RARB: variants seen among roughly 807,000 people sequenced by gnomAD.
The protein encoded by RARB is retinoic acid receptor beta, also known as HBV-activated protein.
RARB carries 17 observed loss-of-function variants against 51.9 expected under a neutral mutation model. The observed-to-expected ratio is 0.33, with a 90% confidence interval of 0.22 to 0.49. The LOEUF is 0.49. RARB is among the 20% of genes least tolerant of loss of function. The probability of loss-of-function intolerance (pLI) is 0.99; values close to 1 mark genes in which losing one functional copy is unlikely to be tolerated. For synonymous variants in RARB, 215 were observed against 195.4 expected (o/e 1.10, Z -0.84); for missense variants, 369 against 550.8 (o/e 0.67, Z 3.30).
chr3:24,918,370 A>G (rs1015041293), intron 2 of RARB, among the ~76,000 whole-genome samples: 2 of 152,230 alleles, frequency 1.3e-5, no homozygotes, highest in African/African-American at 2.4e-5. Flanking sequence ...GCAGATCTAT[A>G]GAGGCAAAGT....
chr3:24,887,633 A>G (rs960616805), intron 2 of RARB, among the ~76,000 whole-genome samples: 2 of 152,226 alleles, frequency 1.3e-5, no homozygotes, highest in Non-Finnish European at 2.9e-5. Context: ...TTCTAGAATA[A>G]TCTAACAACT....
chr3:24,901,153 C>G (rs1703597315), intron 2 of RARB, among the ~76,000 whole-genome samples: 1 of 152,160 alleles, frequency 6.6e-6, no homozygotes, highest in South Asian at 2.1e-4. Flanking sequence ...AAAGAAAGAA[C>G]AGTGTCTAAA....
rs1479566965 is a variant in RARB at position 25,171,584 on chromosome 3, A to G, written c.-279-2535A>G. ...CAATCTGCAGCGTTTGAAAGCAAAG[A>G]GAAATGAAGGATTATTGAGGGTGGA... On this transcript the variant is annotated intron_variant, in intron 4 of 11. Transcript: ENST00000383772. 3.0e-5 allele frequency among the ~76,000 whole-genome samples: 4 copies of G among 132,682 alleles called. No individual in the cohort carries two copies. The East Asian group carries it at 1.0e-3, about 34-fold the overall frequency. 87.0% of individuals were successfully genotyped at this position (132,682 alleles called of 152,430 possible).
chr3:25,057,839 A>C (rs1698469753), intron 2 of RARB, among the ~76,000 whole-genome samples: 1 of 152,016 alleles, frequency 6.6e-6, no homozygotes, highest in South Asian at 2.1e-4. Flanking sequence ...TGTATTCAGA[A>C]CTTGACCAAT....
chr3:25,041,497 G>A (rs76020899), intron 2 of RARB, among the ~76,000 whole-genome samples: 2,114 of 150,578 alleles, frequency 0.014, 43 homozygotes, highest in African/African-American at 0.049. Flanking sequence ...GGAGGTGGAG[G>A]AAGACATTAG....
intron 2 of RARB, among the ~76,000 whole-genome samples, chr3:24,895,815 A>G (rs1219800363): frequency 6.6e-6 from 1 of 152,178 alleles, no homozygotes; most frequent in Non-Finnish European, 1.5e-5. Context: ...AGGGCAGTTC[A>G]TCAAAAAATG....
At chr3:24,926,510 C>T (rs1695324893) in intron 2 of RARB, among the ~76,000 whole-genome samples, 1 of 152,082 alleles carries the variant, frequency 6.6e-6, no homozygotes, top group South Asian at 2.1e-4. Context: ...GCTAAAATAT[C>T]ACCTGAAACC....
chr3:25,179,034 C>A (rs750615689), intron 5 of RARB, among the ~76,000 whole-genome samples: 8 of 152,126 alleles, frequency 5.3e-5, no homozygotes, highest in African/African-American at 1.9e-4. Flanking sequence ...AATGCGAATT[C>A]TTTTCCCCTT....
chr3:25,370,695 C>A (rs1346753656), intron 5 of RARB, among the ~76,000 whole-genome samples: 1 of 152,144 alleles, frequency 6.6e-6, no homozygotes, highest in Admixed American at 6.6e-5. Context: ...ATGCCAGGAG[C>A]CTTGAGTGAC....
intron 2 of RARB, among the ~76,000 whole-genome samples, chr3:24,967,258 G>C (rs763239885): frequency 6.6e-6 from 1 of 152,028 alleles, no homozygotes; most frequent in Non-Finnish European, 1.5e-5. Flanking sequence ...TCTTCCCTCA[G>C]CTAGATTTAT....
intron 3 of RARB, among the ~76,000 whole-genome samples, chr3:25,546,409 C>T (rs1322753774): frequency 6.6e-6 from 1 of 152,066 alleles, no homozygotes; most frequent in African/African-American, 2.4e-5. Context: ...GAAGCTAACC[C>T]GATGAGAGGT....
intron 5 of RARB, among the ~76,000 whole-genome samples, chr3:25,228,763 A>G (rs903102251): frequency 1.3e-5 from 2 of 152,078 alleles, no homozygotes; most frequent in African/African-American, 4.8e-5. Context: ...TAATAAAAGC[A>G]CACATGCAGG....
chr3:25,280,791 C>A (rs1228079909), intron 5 of RARB, among the ~76,000 whole-genome samples: 1 of 152,098 alleles, frequency 6.6e-6, no homozygotes, highest in Non-Finnish European at 1.5e-5. Flanking sequence ...CTTGATTTGC[C>A]ATTTTTTGCT....
chr3:25,145,538 C>G (rs1322561986), intron 4 of RARB, among the ~76,000 whole-genome samples: 1 of 152,106 alleles, frequency 6.6e-6, no homozygotes, highest in Non-Finnish European at 1.5e-5. Flanking sequence ...TCAGCACTCA[C>G]CATTTTTCAA....
intron 2 of RARB, among the ~76,000 whole-genome samples, chr3:25,477,997 C>A (rs1274460417): frequency 1.3e-5 from 2 of 152,176 alleles, no homozygotes; most frequent in Non-Finnish European, 2.9e-5. Context: ...GAACTGCTAA[C>A]TGGAGCATCA....
chr3:25,416,019 T>G (rs1038007814), intron 5 of RARB, among the ~76,000 whole-genome samples: 6 of 152,202 alleles, frequency 3.9e-5, no homozygotes, highest in African/African-American at 1.2e-4. Flanking sequence ...AGTCCTATTT[T>G]AATTAGGGTC....
At chr3:25,400,102 A>G (rs775719833) in intron 5 of RARB, among the ~76,000 whole-genome samples, 1 of 152,208 alleles carries the variant, frequency 6.6e-6, no homozygotes, top group Non-Finnish European at 1.5e-5. Flanking sequence ...TATTACTATC[A>G]TCTGGAAGAA....
rs1412458235 is a variant in RARB, at chr3:24,986,683, T to A, written c.-379-73442T>A. 1.9e-4 allele frequency among the ~76,000 whole-genome samples: 29 copies of A among 152,238 alleles called. 1 individual carries two copies. Among genetic ancestry groups the A allele is most frequent in the Admixed American group, 1.9e-3 (29 of 15,278 alleles). ...ATAAAAACAATTTGTAGTTAATTTCTGGGAGATTGCAGCGTGTGTGTTTTA... is the reference window on the plus strand; with the variant it reads ...ATAAAAACAATTTGTAGTTAATTTCAGGGAGATTGCAGCGTGTGTGTTTTA... On this transcript the variant is annotated intron_variant, in intron 2 of 11. Transcript: ENST00000383772.
chr3:25,153,055 A>G (rs1243360055), intron 4 of RARB, among the ~76,000 whole-genome samples: 1 of 151,914 alleles, frequency 6.6e-6, no homozygotes, highest in Non-Finnish European at 1.5e-5. Flanking sequence ...ATTGATAAGC[A>G]CTCTTCATTA....
Sources: gnomAD v4.1 joint callset for allele counts (sites outside exome capture counted in the v4.1 genomes callset) on GRCh38, gnomAD v4.1.1 for gene constraint, MANE v1.5 for transcripts, NCBI Gene and HGNC (gene_info 2026-07-23, HGNC 2026-07-21) for gene names.